CUL9: variants seen among roughly 807,000 people sequenced by gnomAD.
The protein encoded by CUL9 is cullin-9.
Under a neutral mutation model 272.6 loss-of-function variants are expected in CUL9, and 79 were observed. The ratio of observed to expected loss-of-function variants is 0.29; its 90% confidence interval spans 0.24 to 0.35. CUL9 has a LOEUF of 0.35. Among genes scored for constraint, CUL9 ranks in the 10% least tolerant of loss-of-function variants. The pLI is 1.00. For missense variants in CUL9, 2,532 were observed against 3,255.6 expected (o/e 0.78, Z 5.41); for synonymous variants, 1,186 against 1,286.5 (o/e 0.92, Z 1.67).
rs750408278 is a variant in CUL9, at chr6:43,215,296, G to T, written c.5906G>T (p.Cys1969Phe). The change falls in exon 30 of 41, where the codon TGT (cysteine) becomes TTT (phenylalanine). Residue 1969 changes from cysteine to phenylalanine, a missense_variant. By Grantham distance (205) the Cys-to-Phe change is radical. This residue lies in a region of CUL9 where 2,218 missense variants were observed against 2,788.6 expected (regional missense o/e 0.80). Coordinates refer to ENST00000252050, the MANE Select transcript of CUL9 (RefSeq NM_015089.4). ...PCRGQADVPF[C>F]GSQSETSKPS... is the part of the protein sequence containing the mutation. ...CGGGGTCAGGCAGATGTCCCTTTCTGTGGCAGCCAGAGCGAAACCTCCAAG... is the reference window on the plus strand; with the variant it reads ...CGGGGTCAGGCAGATGTCCCTTTCTTTGGCAGCCAGAGCGAAACCTCCAAG... The T allele has an allele frequency of 1.6e-5, 26 of 1,612,792 alleles. No homozygotes were observed. The African/African-American group carries it at 3.1e-4, about 19-fold the overall frequency.
In CUL9 at chr6:43,186,463, G is replaced by C; in HGVS notation, c.1251+8G>C. On this transcript the variant is annotated splice_region_variant and intron_variant, in intron 4 of 40. Transcript: ENST00000252050. ...GGCATTCCCCCTGTGCAGGTGGGCA[G>C]CACATGGTGGTGAGACACTGTTGGG... 6.3e-7 allele frequency: 1 copy of C among 1,576,250 alleles called. No individual in the cohort carries two copies. The highest frequency in any genetic ancestry group is 1.3e-5 in the African/African-American group (1 of 74,470).
rs1774827347 is a variant in CUL9, at chr6:43,203,785, C to G, written c.4026-69C>G. The stretch of plus-strand genomic sequence containing the variant: ...CGAACAGGGGTGATTGGGAGCTGAT[C>G]TGCACTTGAATGGAGGCCTCTGGGA... On this transcript the variant is annotated intron_variant, in intron 19 of 40. Coordinates refer to ENST00000252050, the MANE Select transcript of CUL9 (RefSeq NM_015089.4). The surrounding 1 kb of genome is among the most constrained non-coding windows in gnomAD (Gnocchi z 5.0). The G allele has an allele frequency of 3.2e-6, 5 of 1,548,022 alleles. No homozygotes were observed. The highest frequency in any genetic ancestry group is 4.4e-6 in the Non-Finnish European group (5 of 1,143,936).
chr6:43,203,046 C>T lies in CUL9; in HGVS notation c.3754-63C>T. 5.7e-6 allele frequency: 9 copies of T among 1,578,964 alleles called. No individual in the cohort carries two copies. The highest frequency in any genetic ancestry group is 7.8e-6 in the Non-Finnish European group (9 of 1,150,018). On this transcript the variant is annotated intron_variant, in intron 17 of 40. Coordinates refer to ENST00000252050, the MANE Select transcript of CUL9 (RefSeq NM_015089.4). This position sits in a 1 kb window ranked among gnomAD's most constrained non-coding sequence, Gnocchi z 5.0. ...CCATGACCGACTTGGTTACTGTCAACAATTTTTCCAACCTTGTTTCTGGAG... is the reference window on the plus strand; with the variant it reads ...CCATGACCGACTTGGTTACTGTCAATAATTTTTCCAACCTTGTTTCTGGAG...
chr6:43,184,511 G>T lies in CUL9; in HGVS notation c.201G>T (p.Leu67=). The change falls in exon 2 of 41, where the codon CTG becomes CTT. Residue 67 remains leucine (L), a synonymous_variant. Transcript: ENST00000252050. The surrounding 1 kb of genome is among the most constrained non-coding windows in gnomAD (Gnocchi z 4.8). ...AAGCAGAGCACATCCTCATGTGGCT[G>T]TCGGCTCCTGAGGTCTACGCCAACT... ...EGKAEHILMW[L]SAPEVYANCP... is the part of the protein sequence containing the mutation. The T allele has an allele frequency of 1.2e-5, 19 of 1,612,740 alleles. No individual in the cohort carries two copies. The highest frequency in any genetic ancestry group is 1.6e-5 in the Non-Finnish European group (19 of 1,179,010).
Position 43,213,666 on chromosome 6 carries a change from A to G in CUL9, c.5489-47A>G. On this transcript the variant is annotated intron_variant, in intron 28 of 40. Transcript: ENST00000252050. This position sits in a 1 kb window ranked among gnomAD's most constrained non-coding sequence, Gnocchi z 5.7. The stretch of plus-strand genomic sequence containing the variant: ...AATGGGGTCATCTTAGTCCCCATTC[A>G]TCTGTCCCTCTGCCTCCTCTGGTAC... The G allele has an allele frequency of 6.2e-7, 1 of 1,607,772 alleles. No individual in the cohort carries two copies. Among genetic ancestry groups the G allele is most frequent in the Non-Finnish European group, 8.5e-7 (1 of 1,176,506 alleles).
Position 43,215,183 on chromosome 6 carries a change from G to A in CUL9, c.5793G>A (p.Leu1931=). The part of the protein sequence containing the change: ...CTSTDVLSCI[L]HLLGQGYVKR... ...GTACAGATGTCCTCTCTTGCATCCTGCACCTCTTAGGCCAGGGCTACGTGA... is the reference window on the plus strand; with the variant it reads ...GTACAGATGTCCTCTCTTGCATCCTACACCTCTTAGGCCAGGGCTACGTGA... The change falls in exon 30 of 41, where the codon CTG becomes CTA. Residue 1931 remains leucine (L), a synonymous_variant. Coordinates refer to ENST00000252050, the MANE Select transcript of CUL9 (RefSeq NM_015089.4). The A allele has an allele frequency of 6.2e-7, 1 of 1,614,212 alleles. No homozygotes were observed.
In CUL9 at chr6:43,200,281, T is replaced by TCCTA; in HGVS notation, c.3384+126_3384+129dup. On this transcript the variant is annotated intron_variant, in intron 14 of 40. Transcript: ENST00000252050. The surrounding 1 kb of genome is among the most constrained non-coding windows in gnomAD (Gnocchi z 4.0). ...TTGTAGCAAATCTGGGGCACTTGTT[T>TCCTA]CCTAACCTTGACTCCACATGGTTCT... 1 of 1,469,424 alleles carries TCCTA rather than the reference T, an allele frequency of 6.8e-7. No homozygotes were observed. Among genetic ancestry groups the TCCTA allele is most frequent in the Non-Finnish European group, 9.3e-7 (1 of 1,072,904 alleles). The allele number at this position is 1,469,424 out of a possible 1,614,324, so 91.0% of individuals were successfully genotyped here.
At position 43,187,108 on chromosome 6, in the gene CUL9, G is replaced by T. The variant is rs1479821939; in HGVS notation, c.1387+13G>T. 5 of 1,613,532 alleles carry T rather than the reference G, an allele frequency of 3.1e-6. No homozygotes were observed. Reference sequence around the variant, plus strand: ...GTGTTGGGCACAGGTGAGCCTAAGAGGGGACATGGATAGCATGTCTCTGAA... The same window carrying T: ...GTGTTGGGCACAGGTGAGCCTAAGATGGGACATGGATAGCATGTCTCTGAA... On this transcript the variant is annotated intron_variant, in intron 5 of 40. Transcript: ENST00000252050.
Position 43,218,098 on chromosome 6 carries a change from CCACACCCAGCCTGA to C in CUL9, c.6282+1598_6282+1611del, listed in dbSNP as rs1463701103. 6.6e-6 allele frequency among the ~76,000 whole-genome samples: 1 copy of C among 152,152 alleles called. No homozygotes were observed. Among genetic ancestry groups the C allele is most frequent in the Non-Finnish European group, 1.5e-5 (1 of 68,032 alleles). ...GTGCTGGAATTATAGGCATAAGCCA[CCACACCCAGCCTGA>C]CAGTGGATTTTATTTTATGAGAAGC... On this transcript the variant is annotated intron_variant, in intron 31 of 40. Transcript: ENST00000252050. This position sits in a 1 kb window ranked among gnomAD's most constrained non-coding sequence, Gnocchi z 4.4.
Position 43,192,993 on chromosome 6 carries a change from C to T in CUL9, c.2181-8C>T. 1.2e-6 allele frequency: 2 copies of T among 1,613,730 alleles called. No individual in the cohort carries two copies. The highest frequency in any genetic ancestry group is 1.3e-5 in the African/African-American group (1 of 75,058). On this transcript the variant is annotated splice_region_variant and splice_polypyrimidine_tract_variant and intron_variant, in intron 8 of 40. Coordinates refer to ENST00000252050, the MANE Select transcript of CUL9 (RefSeq NM_015089.4). Reference sequence around the variant, plus strand: ...GATGGGGAGCCCCAATATCTCTTCTCTTGTCAGAGAGAAGCTAGTGAAGAT... The same window carrying T: ...GATGGGGAGCCCCAATATCTCTTCTTTTGTCAGAGAGAAGCTAGTGAAGAT...
chr6:43,197,505 G>A (rs1774103049), intron 11 of CUL9, among the ~76,000 whole-genome samples: 1 of 151,318 alleles, frequency 6.6e-6, no homozygotes, highest in Non-Finnish European at 1.5e-5. Context: ...TTTTTTGGAG[G>A]TGGAGTCTCA....
At chr6:43,202,476 G>A (rs1463410289) in intron 16 of CUL9, among the ~76,000 whole-genome samples, 4 of 152,226 alleles carry the variant, frequency 2.6e-5, no homozygotes, top group African/African-American at 4.8e-5. Context: ...AGAGGAACAG[G>A]AGCCTGAGAA....
intron 8 of CUL9, among the ~76,000 whole-genome samples, chr6:43,189,435 C>T (rs1467148296): frequency 6.6e-6 from 1 of 152,192 alleles, no homozygotes; most frequent in Non-Finnish European, 1.5e-5. Context: ...CTGCCTGCCT[C>T]GGCCTCCCAA....
At position 43,200,984 on chromosome 6, in the gene CUL9, C is replaced by G. The variant is rs1774475391; in HGVS notation, c.3647+150C>G. The G allele has an allele frequency of 2.1e-6, 2 of 970,480 alleles. No individual in the cohort carries two copies. The highest frequency in any genetic ancestry group is 3.2e-5 in the African/African-American group (2 of 62,238). The allele number at this position is 970,480 out of a possible 1,614,324, so 60.1% of individuals were successfully genotyped here. On this transcript the variant is annotated intron_variant, in intron 16 of 40. Transcript: ENST00000252050. The surrounding 1 kb of genome is among the most constrained non-coding windows in gnomAD (Gnocchi z 4.0). Reference sequence around the variant, plus strand: ...TGAACACATAGACACATTGACCTGCCTTTGCTGAGTATAGACATCCCCTCA... The same window carrying G: ...TGAACACATAGACACATTGACCTGCGTTTGCTGAGTATAGACATCCCCTCA...
At chr6:43,193,358 A>T (rs72664268) in intron 9 of CUL9, 150 bp downstream of exon 9, 50 of 711,772 alleles carry the variant, frequency 7.0e-5, no homozygotes, top group Non-Finnish European at 1.1e-4. Flanking sequence ...TGATCTGGAC[A>T]TTCTTCGGGA....
Position 43,196,095 on chromosome 6 carries a change from C to T in CUL9, c.2415C>T (p.Ser805=), listed in dbSNP as rs1172194750. ...LAALKMLAVA[S]SSEIPTFVTG... ...CACTGAAGATGCTGGCCGTCGCCAG[C>T]TCCTCGGAGATCCCCACTTTTGTTA... The change falls in exon 10 of 41, where the codon AGC becomes AGT. Residue 805 remains serine, a synonymous_variant. Transcript: ENST00000252050. 6.2e-7 allele frequency: 1 copy of T among 1,613,804 alleles called. No homozygotes were observed. The highest frequency in any genetic ancestry group is 1.7e-5 in the Admixed American group (1 of 60,002).
intron 8 of CUL9, among the ~76,000 whole-genome samples, chr6:43,191,291 T>TGTGTGTGC (rs1354600009): frequency 3.4e-5 from 5 of 145,754 alleles, no homozygotes; most frequent in African/African-American, 5.2e-5. Context: ...TGTGTGTGTG[T>TGTGTGTGC]GCGTGTTGTT....
chr6:43,219,328 G>A (rs1329853330), intron 31 of CUL9, among the ~76,000 whole-genome samples: 1 of 152,166 alleles, frequency 6.6e-6, no homozygotes, highest in African/African-American at 2.4e-5. Flanking sequence ...AGAAGCAGCC[G>A]GACAGCTCCC....
chr6:43,187,867 C>G lies in CUL9; in HGVS notation c.1736C>G (p.Pro579Arg). The change falls in exon 7 of 41, where the codon CCA becomes CGA. Residue 579 changes from proline to arginine, a missense_variant. Physicochemically the swap from Pro to Arg is moderately radical, Grantham distance 103 (BLOSUM62 -2). Around this residue, in one of 3 missense-constraint regions of CUL9, gnomAD observed 2,218 missense variants for 2,788.6 expected, o/e 0.80. Coordinates refer to ENST00000252050, the MANE Select transcript of CUL9 (RefSeq NM_015089.4). The stretch of plus-strand genomic sequence containing the variant: ...AAGTATGGGCTGCTGTCTAATGAAC[C>G]AAGCAGCTCGTCTACTTCACGAAAT... ...YTKYGLLSNE[P>R]SSSSTSRNHS... 1 of 1,614,030 alleles carries G rather than the reference C, an allele frequency of 6.2e-7. No homozygotes were observed. The highest frequency in any genetic ancestry group is 8.5e-7 in the Non-Finnish European group (1 of 1,179,990).
Sources: gnomAD v4.1 joint callset for allele counts (sites outside exome capture counted in the v4.1 genomes callset) on GRCh38, gnomAD v4.1.1 for gene constraint, gnomAD v4.1.1 regional missense constraint, Gnocchi (gnomAD v3.1) non-coding constraint, MANE v1.5 for transcripts, NCBI Gene and HGNC (gene_info 2026-07-23, HGNC 2026-07-21) for gene names.